Variants in GRIP2 observed in about 807,000 individuals in gnomAD.
The protein encoded by GRIP2 is glutamate receptor-interacting protein 2.
Under a neutral mutation model 108.3 loss-of-function variants are expected in GRIP2, and 58 were observed. The ratio of observed to expected loss-of-function variants is 0.54; its 90% CI spans 0.43 to 0.67. The LOEUF (loss-of-function observed/expected upper bound fraction) is 0.67, where lower values mean the gene tolerates loss of function less well. Among genes scored for constraint, GRIP2 ranks in the 30% least tolerant of loss-of-function variants. The probability of loss-of-function intolerance (pLI) is 0.00; values close to 1 mark genes in which losing one functional copy is unlikely to be tolerated. For missense variants in GRIP2, 1,278 were observed against 1,430.6 expected (o/e 0.89, Z 1.72); for synonymous variants, 586 against 598.2 (o/e 0.98, Z 0.30).
chr3:14,600,450 G>C, the GRIP2 span, among the ~76,000 whole-genome samples: 1 of 152,152 alleles, frequency 6.6e-6, no homozygotes, highest in Non-Finnish European at 1.5e-5. Flanking sequence ...GTAATCAGAG[G>C]GACTTAAGAA....
chr3:14,583,266 C>G, the GRIP2 span, among the ~76,000 whole-genome samples: 1 of 152,070 alleles, frequency 6.6e-6, no homozygotes, highest in Admixed American at 6.6e-5. Context: ...GGGCTGAGAG[C>G]CCTGTGATGA....
intron 1 of GRIP2, among the ~76,000 whole-genome samples, chr3:14,548,579 T>C (rs1157134127): frequency 6.6e-6 from 1 of 152,210 alleles, no homozygotes; most frequent in African/African-American, 2.4e-5. Context: ...GCTAACACTG[T>C]GCCCAGAGTC....
At chr3:14,530,798 C>T (rs553782144) in intron 1 of GRIP2, among the ~76,000 whole-genome samples, 1 of 152,294 alleles carries the variant, frequency 6.6e-6, no homozygotes, top group South Asian at 2.1e-4. Flanking sequence ...GTACGCACTG[C>T]ATAATAATCA....
the GRIP2 span, chr3:14,573,481 TG>T: frequency 1.9e-6 from 3 of 1,546,344 alleles, no homozygotes; most frequent in South Asian, 2.2e-5. Flanking sequence ...ACCTCAGGGT[TG>T]AGGAAAGGCA....
rs766255165 is a variant in GRIP2 at position 14,513,782 on chromosome 3, C to G, written c.1522G>C (p.Val508Leu). Residue 508 changes from valine (V) to leucine (L), a missense_variant, in exon 13 of 24, where the codon GTC (valine) becomes CTC (leucine). Coordinates refer to ENST00000621039, the MANE Select transcript of GRIP2 (RefSeq NM_001080423.4). ...RCGLLQVGDR[V>L]LSINGIATED... ...GTGGCAATGCCATTGATGGACAGGA[C>G]ACGGTCCCCCACCTGCAGCAGCCCA... The G allele has an allele frequency of 1.2e-6, 2 of 1,612,896 alleles. No individual in the cohort carries two copies. The highest frequency in any genetic ancestry group is 3.3e-5 in the Admixed American group (2 of 59,914).
the GRIP2 span, among the ~76,000 whole-genome samples, chr3:14,585,486 G>A: frequency 6.6e-6 from 1 of 152,238 alleles, no homozygotes; most frequent in Admixed American, 6.5e-5. Flanking sequence ...AGCAGACACA[G>A]GCCCATTAGG....
chr3:14,588,241 T>C, the GRIP2 span, among the ~76,000 whole-genome samples: 3 of 152,284 alleles, frequency 2.0e-5, no homozygotes, highest in East Asian at 5.8e-4. Flanking sequence ...TTTAGTGAGC[T>C]CTGTGGTTCA....
rs746394100 is a variant in GRIP2, at chr3:14,540,267, A to G, written c.40+2T>C. The G allele has an allele frequency of 6.3e-7, 1 of 1,584,676 alleles. No individual in the cohort carries two copies. Among genetic ancestry groups the G allele is most frequent in the Non-Finnish European group, 8.6e-7 (1 of 1,168,654 alleles). On this transcript the variant is annotated splice_donor_variant, in intron 1 of 23. Coordinates refer to ENST00000621039, the MANE Select transcript of GRIP2 (RefSeq NM_001080423.4). LOFTEE classifies it high-confidence loss of function. This position sits in a 1 kb window ranked among gnomAD's most constrained non-coding sequence, Gnocchi z 4.1. Reference sequence around the variant, plus strand: ...TCTGCCCACAGACCCCCCATTACGTACCCGCCTCTCCAGGGGTCTCCCGGC... The same window carrying G: ...TCTGCCCACAGACCCCCCATTACGTGCCCGCCTCTCCAGGGGTCTCCCGGC...
At chr3:14,515,431 ATT>A (rs1160039372) in intron 11 of GRIP2, among the ~76,000 whole-genome samples, 2 of 152,140 alleles carry the variant, frequency 1.3e-5, no homozygotes, top group Middle Eastern at 3.2e-3. Context: ...TTTAATAAAT[ATT>A]GTTTTACATT....
In GRIP2 at chr3:14,524,784, G is replaced by T. The variant is rs146959138; in HGVS notation, c.258-246C>A. On this transcript the variant is annotated intron_variant, in intron 3 of 23. Coordinates refer to ENST00000621039, the MANE Select transcript of GRIP2 (RefSeq NM_001080423.4). Reference sequence around the variant, plus strand: ...TCTGCCTGCTTTTCCTTCTGCAGGGGTGTCTCAGACGAGCCTGCAGAGTGA... The same window carrying T: ...TCTGCCTGCTTTTCCTTCTGCAGGGTTGTCTCAGACGAGCCTGCAGAGTGA... Among the ~76,000 whole-genome samples the T allele has an allele frequency of 1.9e-3, 282 of 152,286 alleles. 1 individual carries two copies. The highest frequency in any genetic ancestry group is 6.4e-3 in the African/African-American group (264 of 41,552).
At chr3:14,510,067 C>T in intron 16 of GRIP2, 103 bp from the exon 17 acceptor site, 1 of 1,083,904 alleles carries the variant, frequency 9.2e-7, no homozygotes, top group South Asian at 3.5e-5. Context: ...TTAATTCATT[C>T]ACCCAGTCAC....
chr3:14,546,065 A>G (rs924596826), upstream of GRIP2, among the ~76,000 whole-genome samples: 3 of 152,206 alleles, frequency 2.0e-5, no homozygotes, highest in Non-Finnish European at 4.4e-5. Flanking sequence ...AGGCTCTCAG[A>G]GTAGGCGACC....
intron 21 of GRIP2, among the ~76,000 whole-genome samples, chr3:14,500,610 AC>A (rs2124847980): frequency 6.6e-6 from 1 of 152,368 alleles, no homozygotes; most frequent in African/African-American, 2.4e-5. Flanking sequence ...TTCATAGTCA[AC>A]TAAACTATCA....
intron 1 of GRIP2, among the ~76,000 whole-genome samples, chr3:14,548,365 T>A (rs1695089634): frequency 6.6e-6 from 1 of 151,862 alleles, no homozygotes; most frequent in African/African-American, 2.4e-5. Flanking sequence ...GCCCCTCCGG[T>A]GAAGACACAG....
At chr3:14,600,188 TCTC>T in the GRIP2 span, among the ~76,000 whole-genome samples, 3 of 152,080 alleles carry the variant, frequency 2.0e-5, no homozygotes, top group Non-Finnish European at 2.9e-5. Flanking sequence ...AGCCCTGAGT[TCTC>T]CTCTGACCAA....
chr3:14,562,825 A>C, the GRIP2 span, among the ~76,000 whole-genome samples: 1 of 152,212 alleles, frequency 6.6e-6, no homozygotes, highest in African/African-American at 2.4e-5. Context: ...TGGGATGTGG[A>C]AGGAAGCCCA....
the GRIP2 span, among the ~76,000 whole-genome samples, chr3:14,564,137 T>G: frequency 6.6e-6 from 1 of 152,164 alleles, no homozygotes; most frequent in Non-Finnish European, 1.5e-5. Context: ...GCGTTTTCAG[T>G]ATGGGCTAGG....
In GRIP2 at chr3:14,507,482, G is replaced by T. The variant is rs1458299713; in HGVS notation, c.2218+79C>A. 5 of 1,544,040 alleles carry T rather than the reference G, an allele frequency of 3.2e-6. No individual in the cohort carries two copies. The highest frequency in any genetic ancestry group is 3.6e-6 in the Non-Finnish European group (4 of 1,123,710). ...GCTGCAGTGAGGACTCTGTGAGGGTGTGCAGGCAAAGCCTGGCACAGAGGG... is the reference window on the plus strand; with the variant it reads ...GCTGCAGTGAGGACTCTGTGAGGGTTTGCAGGCAAAGCCTGGCACAGAGGG... On this transcript the variant is annotated intron_variant, in intron 18 of 23. Coordinates refer to ENST00000621039, the MANE Select transcript of GRIP2 (RefSeq NM_001080423.4). The surrounding 1 kb of genome is among the most constrained non-coding windows in gnomAD (Gnocchi z 4.6).
At chr3:14,514,207 G>T in intron 12 of GRIP2, 85 bp downstream of exon 12, 2 of 1,234,888 alleles carry the variant, frequency 1.6e-6, no homozygotes, top group Non-Finnish European at 1.1e-6. Context: ...TAAGTGAGAT[G>T]CGCTTGTGAA....
Sources: gnomAD v4.1 joint callset for allele counts (sites outside exome capture counted in the v4.1 genomes callset) on GRCh38, gnomAD v4.1.1 for gene constraint, Gnocchi (gnomAD v3.1) non-coding constraint, MANE v1.5 for transcripts, NCBI Gene and HGNC (gene_info 2026-07-23, HGNC 2026-07-21) for gene names.